Variants in ARRDC5 observed in about 807,000 individuals in gnomAD.
ARRDC5 encodes arrestin domain-containing protein 5.
Under a neutral mutation model 13.3 loss-of-function variants are expected in ARRDC5, and 12 were observed. The observed-to-expected ratio is 0.90, with a 90% confidence interval of 0.58 to 1.46. ARRDC5 has a LOEUF of 1.46. Among genes scored for constraint, ARRDC5 ranks in the 40% most tolerant of loss-of-function variants. ARRDC5 has a pLI of 0.00. For synonymous variants in ARRDC5, 181 were observed against 173.4 expected (o/e 1.04, Z -0.34); for missense variants, 406 against 418.7 (o/e 0.97, Z 0.26).
At chr19:4,916,035 C>CA in the ARRDC5 span, among the ~76,000 whole-genome samples, 1 of 152,108 alleles carries the variant, frequency 6.6e-6, no homozygotes, top group Non-Finnish European at 1.5e-5. Context: ...TGAGGCCAGG[C>CA]ATGGTAGCTC....
intron 1 of ARRDC5, among the ~76,000 whole-genome samples, chr19:4,898,888 A>G (rs2031819767): frequency 6.6e-6 from 1 of 151,352 alleles, no homozygotes; most frequent in Non-Finnish European, 1.5e-5. Flanking sequence ...AGCCTCCCAA[A>G]GTGCTGGGAC....
the ARRDC5 span, among the ~76,000 whole-genome samples, chr19:4,915,926 C>T: frequency 0.013 from 2,005 of 152,186 alleles, 45 homozygotes; most frequent in African/African-American, 0.045. Context: ...GGTTCTCAAA[C>T]GGATTTCAGG....
chr19:4,897,956 A>G (rs536758473), intron 1 of ARRDC5, among the ~76,000 whole-genome samples: 182 of 152,272 alleles, frequency 1.2e-3, no homozygotes, highest in African/African-American at 3.9e-3. Context: ...GTGTGGTGGC[A>G]CACACCTGTA....
In ARRDC5 at chr19:4,891,156, T is replaced by C. The variant is rs1378723310; in HGVS notation, c.877A>G (p.Ser293Gly). The C allele has an allele frequency of 2.5e-6, 4 of 1,613,892 alleles. No individual in the cohort carries two copies. Among genetic ancestry groups the C allele is most frequent in the Non-Finnish European group, 3.4e-6 (4 of 1,179,910 alleles). Reference sequence around the variant, plus strand: ...ATGATGGGAACTTTGGCCTTGAGGCTGGTCAGGGACCAGGGCAGGTGCACG... The same window carrying C: ...ATGATGGGAACTTTGGCCTTGAGGCCGGTCAGGGACCAGGGCAGGTGCACG... ...TTVHLPWSLT[S>G]LKAKVPIIIT... The change falls in exon 3 of 3, where the codon AGC becomes GGC. Residue 293 changes from serine (S) to glycine (G), a missense_variant. Physicochemically the swap from Ser to Gly is moderately conservative, Grantham distance 56 (BLOSUM62 0). Coordinates refer to ENST00000650722, the MANE Select transcript of ARRDC5 (RefSeq NM_001080523.3).
At chr19:4,896,358 T>A (rs866479753) in intron 2 of ARRDC5, among the ~76,000 whole-genome samples, 4,422 of 84,278 alleles carry the variant, frequency 0.052, 187 homozygotes, top group Admixed American at 0.11. Context: ...ATTTTTTTTT[T>A]TTTACACACA....
chr19:4,903,837 A>G (rs970973581), upstream of ARRDC5, among the ~76,000 whole-genome samples: 5 of 152,088 alleles, frequency 3.3e-5, no homozygotes, highest in Non-Finnish European at 2.9e-5. Flanking sequence ...AAGACTCTAC[A>G]TTTATATTGG....
chr19:4,907,074 C>T (rs1369404770), upstream of ARRDC5, among the ~76,000 whole-genome samples: 2 of 152,208 alleles, frequency 1.3e-5, no homozygotes, highest in African/African-American at 2.4e-5. Flanking sequence ...CCCAAGGCTG[C>T]TATGACAAAG....
upstream of ARRDC5, among the ~76,000 whole-genome samples, chr19:4,905,108 CTTTTTTTTTT>C (rs61443004): frequency 2.3e-4 from 22 of 95,182 alleles, no homozygotes; most frequent in East Asian, 4.8e-3. Flanking sequence ...CGTAAACTTT[CTTTTTTTTTT>C]TTTTTTTTTT....
chr19:4,900,470 T>C (rs1282045671), intron 1 of ARRDC5, among the ~76,000 whole-genome samples: 1 of 152,154 alleles, frequency 6.6e-6, no homozygotes, highest in Non-Finnish European at 1.5e-5. Context: ...TTCTAAGCGC[T>C]TTATGTGCCA....
In ARRDC5 at chr19:4,897,765, C is replaced by T. The variant is rs565311322; in HGVS notation, c.254-889G>A. ...CTTCTGGCCACAAGCAGTCCTCCTG[C>T]CTCACTCTCCCAAAAGTGCTGGGAT... On this transcript the variant is annotated intron_variant, in intron 1 of 2. Coordinates refer to ENST00000650722, the MANE Select transcript of ARRDC5 (RefSeq NM_001080523.3). Among the ~76,000 whole-genome samples the T allele has an allele frequency of 5.9e-5, 9 of 152,318 alleles. No homozygotes were observed. In the East Asian group the frequency reaches 1.2e-3, roughly 20 times the overall value.
At position 4,891,362 on chromosome 19, in the gene ARRDC5, C is replaced by A. The variant is rs1487204878; in HGVS notation, c.671G>T (p.Ser224Ile). The A allele has an allele frequency of 2.5e-6, 4 of 1,613,674 alleles. No homozygotes were observed. Among genetic ancestry groups the A allele is most frequent in the Admixed American group, 3.3e-5 (2 of 59,998 alleles). The change falls in exon 3 of 3, where the codon AGT (serine) becomes ATT (isoleucine). Residue 224 changes from serine (S) to isoleucine (I), a missense_variant. By Grantham distance (142) the Ser-to-Ile change is moderately radical. Coordinates refer to ENST00000650722, the MANE Select transcript of ARRDC5 (RefSeq NM_001080523.3). ...GTCCAGCCGAGACCGCCGCTCTGCA[C>A]TGGGCGTGAAGCCCTCGTACTGTAT... ...AHIQYEGFTP[S>I]AERRSRLDSS...
At chr19:4,895,340 T>G (rs1192503310) in intron 2 of ARRDC5, among the ~76,000 whole-genome samples, 1 of 146,202 alleles carries the variant, frequency 6.8e-6, no homozygotes, top group East Asian at 2.0e-4. Context: ...GGAGAGTCAC[T>G]TGAAGCTGGG....
chr19:4,913,807 C>CTTTTT, the ARRDC5 span, among the ~76,000 whole-genome samples: 12 of 110,142 alleles, frequency 1.1e-4, no homozygotes, highest in African/African-American at 4.5e-4. Flanking sequence ...CATGCAGTAG[C>CTTTTT]TTTTTTTTTT....
At chr19:4,904,305 A>G (rs2032016736), upstream of ARRDC5, among the ~76,000 whole-genome samples, 1 of 151,934 alleles carries the variant, frequency 6.6e-6, no homozygotes, top group South Asian at 2.1e-4. Context: ...CAGCTTCCCG[A>G]GTAGCTGGGA....
At chr19:4,899,334 A>G (rs956314908) in intron 1 of ARRDC5, among the ~76,000 whole-genome samples, 2 of 150,896 alleles carry the variant, frequency 1.3e-5, no homozygotes, top group Non-Finnish European at 2.9e-5. Flanking sequence ...TTTATTAAAT[A>G]AATGAAAAAC....
chr19:4,914,315 C>G, the ARRDC5 span, among the ~76,000 whole-genome samples: 289 of 152,220 alleles, frequency 1.9e-3, 1 homozygote, highest in African/African-American at 6.8e-3. Context: ...GGCACCCAGG[C>G]TAACGTGATA....
upstream of ARRDC5, among the ~76,000 whole-genome samples, chr19:4,907,522 G>A (rs771128415): frequency 6.6e-6 from 1 of 151,848 alleles, no homozygotes. Context: ...TGCCTGCCTC[G>A]GCCTCCCAAA....
At chr19:4,910,681 C>G in the ARRDC5 span, 1 of 465,292 alleles carries the variant, frequency 2.1e-6, no homozygotes. Context: ...CTTGGCTAGT[C>G]GTTAATGCCT....
chr19:4,906,832 C>T (rs1260863229), upstream of ARRDC5, among the ~76,000 whole-genome samples: 5 of 152,230 alleles, frequency 3.3e-5, no homozygotes. Flanking sequence ...GCGCTACAAA[C>T]AGATGATGTG....
Sources: gnomAD v4.1 joint callset for allele counts (sites outside exome capture counted in the v4.1 genomes callset) on GRCh38, gnomAD v4.1.1 for gene constraint, MANE v1.5 for transcripts, NCBI Gene and HGNC (gene_info 2026-07-23, HGNC 2026-07-21) for gene names.